TSEN2: variants seen among roughly 807,000 people sequenced by gnomAD.
TSEN2 encodes the protein tRNA-splicing endonuclease subunit Sen2.
A neutral mutation model predicts 59.2 loss-of-function variants in TSEN2; 54 were observed. That is an observed-to-expected ratio of 0.91 (90% CI 0.73 to 1.14). The LOEUF is 1.14. TSEN2 is among the 50% of genes most tolerant of loss of function. The pLI is 0.00. For synonymous variants in TSEN2, 195 were observed against 198.2 expected (o/e 0.98, Z 0.14); for missense variants, 636 against 576.2 (o/e 1.10, Z -1.06).
intron 6 of TSEN2, among the ~76,000 whole-genome samples, chr3:12,515,790 GA>G (rs1309834656): frequency 2.0e-5 from 3 of 152,054 alleles, no homozygotes; most frequent in African/African-American, 7.2e-5. Context: ...TAGGGTTCTA[GA>G]AAATCACTTC....
chr3:12,508,740 G>A (rs984052978), intron 6 of TSEN2, among the ~76,000 whole-genome samples: 3 of 152,180 alleles, frequency 2.0e-5, no homozygotes, highest in Non-Finnish European at 4.4e-5. Context: ...GCTATAAACT[G>A]TATTTACCTC....
At chr3:12,488,748 A>G (rs2052902527) in intron 1 of TSEN2, among the ~76,000 whole-genome samples, 1 of 152,214 alleles carries the variant, frequency 6.6e-6, no homozygotes, top group African/African-American at 2.4e-5. Context: ...TTACTGCTCA[A>G]TAACCCTTCA....
At position 12,532,756 on chromosome 3, in the gene TSEN2, CTA is replaced by C; in HGVS notation, c.*37_*38del. 6.2e-7 allele frequency: 1 copy of C among 1,606,840 alleles called. No homozygotes were observed. Among genetic ancestry groups the C allele is most frequent in the South Asian group, 1.1e-5 (1 of 90,950 alleles). ...CTCAAATTTCTAATTTCACCAACAA[CTA>C]TTTATTGAGGGCTAGGTAAAAAGTT... On this transcript the variant is annotated 3_prime_UTR_variant, in exon 12 of 12. Coordinates refer to ENST00000284995, the MANE Select transcript of TSEN2 (RefSeq NM_025265.4).
chr3:12,507,280 G>A (rs1345301131), intron 6 of TSEN2, among the ~76,000 whole-genome samples: 2 of 152,196 alleles, frequency 1.3e-5, no homozygotes, highest in Non-Finnish European at 2.9e-5. Context: ...GCCACGTGTG[G>A]CCACTGGCTA....
At chr3:12,532,241 G>A (rs530133506) in intron 11 of TSEN2, among the ~76,000 whole-genome samples, 14 of 152,118 alleles carry the variant, frequency 9.2e-5, no homozygotes, top group South Asian at 6.2e-4. Flanking sequence ...GCCCCAGCAC[G>A]TCTTCCCTTC....
chr3:12,519,203 T>C lies in TSEN2; in HGVS notation c.1099+6T>C, dbSNP rs1289657589. 1 of 1,614,208 alleles carries C rather than the reference T, an allele frequency of 6.2e-7. No homozygotes were observed. Among genetic ancestry groups the C allele is most frequent in the Non-Finnish European group, 8.5e-7 (1 of 1,180,036 alleles). On this transcript the variant is annotated splice_donor_region_variant and intron_variant, in intron 8 of 11. Coordinates refer to ENST00000284995, the MANE Select transcript of TSEN2 (RefSeq NM_025265.4). ...CAAGTACGGGACAGATTTACGTAAGTAATTCTTGGCGTGGTGTGTGTGAGA... is the reference window on the plus strand; with the variant it reads ...CAAGTACGGGACAGATTTACGTAAGCAATTCTTGGCGTGGTGTGTGTGAGA...
rs770220924 is a variant in TSEN2, at chr3:12,503,737, G to A, written c.784G>A (p.Glu262Lys). The part of the protein sequence containing the change: ...GPDHEYVLVE[E>K]AECAMSEREA... The stretch of plus-strand genomic sequence containing the variant: ...TGACCATGAGTACGTGCTGGTCGAG[G>A]AAGCGGAGTGTGCCATGAGCGAGAG... Residue 262 changes from glutamate to lysine, a missense_variant, in exon 5 of 12, where the codon GAA (glutamate) becomes AAA (lysine). Physicochemically the swap from Glu to Lys is moderately conservative, Grantham distance 56. Transcript: ENST00000284995. 1.8e-5 allele frequency: 29 copies of A among 1,614,066 alleles called. No homozygotes were observed. Among genetic ancestry groups the A allele is most frequent in the Admixed American group, 6.7e-5 (4 of 59,998 alleles).
intron 6 of TSEN2, among the ~76,000 whole-genome samples, chr3:12,507,751 G>A (rs532213354): frequency 1.3e-5 from 2 of 152,230 alleles, no homozygotes; most frequent in South Asian, 2.1e-4. Context: ...TGTCAGTATC[G>A]CTCTTCCTGT....
Position 12,496,406 on chromosome 3 carries a change from T to C in TSEN2, c.272-112T>C, listed in dbSNP as rs1260202897. The C allele has an allele frequency of 8.7e-5, 103 of 1,178,628 alleles. No individual in the cohort carries two copies. In the Admixed American group the frequency reaches 1.8e-3, roughly 20 times the overall value. The allele number at this position is 1,178,628 out of a possible 1,614,324, so 73.0% of individuals were successfully genotyped here. On this transcript the variant is annotated intron_variant, in intron 3 of 11. Transcript: ENST00000284995. ...GCCATTACTGACTGGACAGTAAACT[T>C]TCTAGGTGTGTGATTTTGTGAATCT...
intron 8 of TSEN2, among the ~76,000 whole-genome samples, chr3:12,525,828 G>C (rs1291617487): frequency 1.3e-5 from 2 of 151,936 alleles, no homozygotes; most frequent in African/African-American, 4.8e-5. Context: ...GCCTCCCAAA[G>C]TGCTGGGATT....
At chr3:12,483,899 C>G (rs2052322935), upstream of TSEN2, among the ~76,000 whole-genome samples, 1 of 152,206 alleles carries the variant, frequency 6.6e-6, no homozygotes, top group Non-Finnish European at 1.5e-5. Context: ...GTCAGTCATT[C>G]AAGCTCACGC....
intron 8 of TSEN2, among the ~76,000 whole-genome samples, chr3:12,519,894 C>T (rs1218618438): frequency 6.6e-6 from 1 of 152,214 alleles, no homozygotes; most frequent in South Asian, 2.1e-4. Flanking sequence ...ATAATCGCCA[C>T]AGCCATCATT....
At chr3:12,523,937 A>G (rs2056875834) in intron 8 of TSEN2, among the ~76,000 whole-genome samples, 1 of 152,168 alleles carries the variant, frequency 6.6e-6, no homozygotes, top group African/African-American at 2.4e-5. Context: ...CATAATCCAT[A>G]TTAATCCGTA....
intron 10 of TSEN2, chr3:12,538,747 G>C (rs1552484): frequency 0.61 from 94,953 of 156,598 alleles, 31,807 homozygotes; most frequent in African/African-American, 0.9. Context: ...TTCGATGATT[G>C]TTTCAGTGCA....
chr3:12,489,630 G>A (rs950524297), intron 1 of TSEN2, 154 bp from the exon 2 acceptor site: 2 of 665,384 alleles, frequency 3.0e-6, no homozygotes, highest in Non-Finnish European at 5.2e-6. Context: ...CACACAAACT[G>A]TTCTTACTGC....
downstream of TSEN2, among the ~76,000 whole-genome samples, chr3:12,536,586 A>G (rs2057676799): frequency 6.6e-6 from 1 of 152,198 alleles, no homozygotes; most frequent in Non-Finnish European, 1.5e-5. Context: ...AGGAAACTTA[A>G]TCTAAGGAGT....
intron 6 of TSEN2, among the ~76,000 whole-genome samples, chr3:12,510,429 A>C (rs2055315471): frequency 6.6e-6 from 1 of 152,204 alleles, no homozygotes; most frequent in Non-Finnish European, 1.5e-5. Flanking sequence ...GTATATACTT[A>C]TAAAGCTTTT....
Position 12,529,487 on chromosome 3 carries a change from T to C in TSEN2, c.1137-275T>C, listed in dbSNP as rs299634. On this transcript the variant is annotated intron_variant, in intron 9 of 11. Transcript: ENST00000284995. ...TCTCAAAAAAAAAAAAAAAAAAAAT[T>C]AGTTAGTATTAGTGCCTAAACAGTT... 0.64 allele frequency among the ~76,000 whole-genome samples: 94,054 copies of C among 146,648 alleles called. 32,889 individuals are homozygous for C. Among genetic ancestry groups the C allele is most frequent in the African/African-American group, 0.91 (36,179 of 39,818 alleles).
At chr3:12,534,428 G>A (rs1482294105), downstream of TSEN2, among the ~76,000 whole-genome samples, 5 of 152,164 alleles carry the variant, frequency 3.3e-5, no homozygotes, top group African/African-American at 9.7e-5. Context: ...CTGTGGTGGT[G>A]TGCCTTGGGC....
Sources: gnomAD v4.1 joint callset for allele counts (sites outside exome capture counted in the v4.1 genomes callset) on GRCh38, gnomAD v4.1.1 for gene constraint, MANE v1.5 for transcripts, NCBI Gene and HGNC (gene_info 2026-07-23, HGNC 2026-07-21) for gene names.